ZNF93: variants seen among roughly 807,000 people sequenced by gnomAD.
The protein encoded by ZNF93 is zinc finger protein 505.
ZNF93 carries 29 observed loss-of-function variants against 45.0 expected under a neutral mutation model. The observed-to-expected ratio is 0.64, with a 90% CI of 0.48 to 0.88. The LOEUF (loss-of-function observed/expected upper bound fraction) is 0.88. Ranked by LOEUF, ZNF93 falls within the 40% of genes least tolerant of loss-of-function variation. The pLI is 0.00. For missense variants in ZNF93, 578 were observed against 724.0 expected (o/e 0.80, Z 2.31); for synonymous variants, 223 against 244.6 (o/e 0.91, Z 0.82).
chr19:19,911,307 C>T (rs1031473175), intron 1 of ZNF93, among the ~76,000 whole-genome samples: 1 of 152,128 alleles, frequency 6.6e-6, no homozygotes, highest in Non-Finnish European at 1.5e-5. Context: ...GTCTTTGAGG[C>T]ATTTGAGGAT....
intron 1 of ZNF93, among the ~76,000 whole-genome samples, chr19:19,901,762 G>A (rs1256428379): frequency 6.6e-6 from 1 of 152,022 alleles, no homozygotes; most frequent in Non-Finnish European, 1.5e-5. Flanking sequence ...CAGCCAATAT[G>A]GGAAGGACAC....
intron 3 of ZNF93, among the ~76,000 whole-genome samples, chr19:19,924,718 G>A (rs1396156350): frequency 6.6e-6 from 1 of 151,712 alleles, no homozygotes; most frequent in Non-Finnish European, 1.5e-5. Context: ...AGCCTCCCAA[G>A]TAGCTGGAAT....
intron 1 of ZNF93, among the ~76,000 whole-genome samples, chr19:19,912,197 C>G (rs1164657034): frequency 6.6e-6 from 1 of 152,126 alleles, no homozygotes; most frequent in Non-Finnish European, 1.5e-5. Flanking sequence ...ATAAAAACTA[C>G]AGAAACTCTG....
chr19:19,913,331 C>A (rs1024213620), intron 1 of ZNF93, among the ~76,000 whole-genome samples: 2 of 152,122 alleles, frequency 1.3e-5, no homozygotes, highest in African/African-American at 4.8e-5. Flanking sequence ...ATCTCTTGTA[C>A]CCTCCCCACA....
At chr19:19,916,783 T>G in intron 3 of ZNF93, 128 bp downstream of exon 3, 1 of 634,930 alleles carries the variant, frequency 1.6e-6, no homozygotes, top group Non-Finnish European at 2.6e-6. Context: ...GGGCAGCTGT[T>G]TTTTGTTTTT....
At chr19:19,915,530 A>G in intron 2 of ZNF93, 124 bp downstream of exon 2, 2 of 1,325,104 alleles carry the variant, frequency 1.5e-6, no homozygotes, top group South Asian at 3.0e-5. Flanking sequence ...TTTTCCAGAA[A>G]ATCTTCAGAA....
At chr19:19,910,562 A>G (rs1317524200) in intron 1 of ZNF93, among the ~76,000 whole-genome samples, 2 of 151,954 alleles carry the variant, frequency 1.3e-5, no homozygotes, top group African/African-American at 4.8e-5. Flanking sequence ...CAAAATGCAG[A>G]TTCCAGGCAA....
rs746229233 is a variant in ZNF93 at position 19,934,692 on chromosome 19, C to T, written c.1737C>T (p.Thr579=). 3 of 1,613,644 alleles carry T rather than the reference C, an allele frequency of 1.9e-6. No individual in the cohort carries two copies. Among genetic ancestry groups the T allele is most frequent in the South Asian group, 1.1e-5 (1 of 91,040 alleles). ...GCAAAGCTTTTAACCATTCTGCAAC[C>T]CTTTCTTCACATAAGAAAATCCATT... ...ECGKAFNHSA[T]LSSHKKIHSG... Residue 579 remains threonine (T), a synonymous_variant, in exon 4 of 4, where the codon ACC becomes ACT. Coordinates refer to ENST00000343769, the MANE Select transcript of ZNF93 (RefSeq NM_031218.4).
At chr19:19,907,207 T>C (rs2063295509) in intron 1 of ZNF93, among the ~76,000 whole-genome samples, 2 of 152,136 alleles carry the variant, frequency 1.3e-5, no homozygotes. Context: ...TTTCCATTTT[T>C]AGTCCTTCAA....
chr19:19,912,550 T>C (rs77334377), intron 1 of ZNF93, among the ~76,000 whole-genome samples: 3 of 148,644 alleles, frequency 2.0e-5, no homozygotes, highest in African/African-American at 5.0e-5. Flanking sequence ...AGAGACATTG[T>C]ATTTAGCAAC....
chr19:19,915,353 G>C lies in ZNF93; in HGVS notation c.77G>C (p.Arg26Pro), dbSNP rs111989463. The change falls in exon 2 of 4, where the codon CGG becomes CCG. Residue 26 changes from arginine (R) to proline (P), a missense_variant. Arg to Pro is a moderately radical substitution (Grantham distance 103, BLOSUM62 -2). Coordinates refer to ENST00000343769, the MANE Select transcript of ZNF93 (RefSeq NM_031218.4). Reference sequence around the variant, plus strand: ...TGGCATTGCCTGGACACTGCACAGCGGAATCTATATAGGAATGTGATGTTA... The same window carrying C: ...TGGCATTGCCTGGACACTGCACAGCCGAATCTATATAGGAATGTGATGTTA... The part of the protein sequence containing the change: ...EEWHCLDTAQ[R>P]NLYRNVMLEN... 5.0e-6 allele frequency: 8 copies of C among 1,613,902 alleles called. No individual in the cohort carries two copies. The highest frequency in any genetic ancestry group is 6.8e-6 in the Non-Finnish European group (8 of 1,179,992).
rs2063383368 is a variant in ZNF93, at chr19:19,933,911, G to A, written c.956G>A (p.Gly319Asp). ...GEKPYVCEEC[G>D]KAFKYSRILT... ...AAGCCCTACGTTTGTGAAGAATGTG[G>A]CAAAGCCTTTAAGTACTCCCGTATC... The change falls in exon 4 of 4, where the codon GGC (glycine) becomes GAC (aspartate). Residue 319 changes from glycine to aspartate, a missense_variant. Gly to Asp is a moderately conservative substitution (Grantham distance 94, BLOSUM62 -1). Transcript: ENST00000343769. 6.2e-7 allele frequency: 1 copy of A among 1,612,838 alleles called. No homozygotes were observed. Among genetic ancestry groups the A allele is most frequent in the East Asian group, 2.2e-5 (1 of 44,832 alleles).
chr19:19,907,258 G>T (rs1025034009), intron 1 of ZNF93, among the ~76,000 whole-genome samples: 19 of 152,052 alleles, frequency 1.2e-4, no homozygotes, highest in Admixed American at 9.8e-4. Flanking sequence ...CATTTTAGGA[G>T]CACACAGAAG....
At chr19:19,924,900 G>A (rs2122187202) in intron 3 of ZNF93, among the ~76,000 whole-genome samples, 1 of 152,254 alleles carries the variant, frequency 6.6e-6, no homozygotes, top group East Asian at 1.9e-4. Context: ...CCAACTGTGT[G>A]GATTTCTATG....
At chr19:19,928,411 T>G (rs905198841) in intron 3 of ZNF93, among the ~76,000 whole-genome samples, 2 of 152,168 alleles carry the variant, frequency 1.3e-5, no homozygotes, top group African/African-American at 4.8e-5. Context: ...TATTGAAGAG[T>G]GTGTTTCATA....
At position 19,934,931 on chromosome 19, in the gene ZNF93, G is replaced by T; in HGVS notation, c.*113G>T. The T allele has an allele frequency of 8.2e-7, 1 of 1,217,916 alleles. No homozygotes were observed. The highest frequency in any genetic ancestry group is 1.1e-6 in the Non-Finnish European group (1 of 886,156). 75.4% of individuals were successfully genotyped at this position (1,217,916 alleles called of 1,614,324 possible). The stretch of plus-strand genomic sequence containing the variant: ...AACTCCTCCCAGGCACAGTCTGGCA[G>T]AGGTCCTGCCATTTCGGAGACCTGG... On this transcript the variant is annotated 3_prime_UTR_variant, in exon 4 of 4. Coordinates refer to ENST00000343769, the MANE Select transcript of ZNF93 (RefSeq NM_031218.4).
intron 1 of ZNF93, chr19:19,914,873 GA>G: frequency 1.2e-5 from 4 of 329,138 alleles, no homozygotes; most frequent in South Asian, 2.4e-5. Context: ...GATCTTCTGG[GA>G]AAAAACCCCC....
At chr19:19,920,526 C>T (rs565412259) in intron 3 of ZNF93, among the ~76,000 whole-genome samples, 1 of 152,286 alleles carries the variant, frequency 6.6e-6, no homozygotes, top group African/African-American at 2.4e-5. Context: ...AGGAATGGTA[C>T]CGGCTCCTCC....
At chr19:19,909,208 T>G (rs2063301095) in intron 1 of ZNF93, 1 of 152,292 alleles carries the variant, frequency 6.6e-6, no homozygotes, top group Admixed American at 6.5e-5. Context: ...AAATGTAAGC[T>G]GTGCTCTGGG....
Sources: gnomAD v4.1 joint callset for allele counts (sites outside exome capture counted in the v4.1 genomes callset) on GRCh38, gnomAD v4.1.1 for gene constraint, MANE v1.5 for transcripts, NCBI Gene and HGNC (gene_info 2026-07-23, HGNC 2026-07-21) for gene names.